The following SCRN1 variants were observed in gnomAD, a reference collection of about 807,000 sequenced individuals.
SCRN1 encodes secernin 1, also known as secernin-1.
SCRN1 carries 19 observed loss-of-function variants against 43.3 expected under a neutral mutation model. The observed-to-expected ratio is 0.44, with a 90% CI of 0.31 to 0.64. The LOEUF is 0.64. Among genes scored for constraint, SCRN1 ranks in the 30% least tolerant of loss-of-function variants. The pLI, the probability that SCRN1 is intolerant of heterozygous loss-of-function variation, is 0.09. For missense variants in SCRN1, 447 were observed against 524.1 expected (o/e 0.85, Z 1.44); for synonymous variants, 183 against 188.9 (o/e 0.97, Z 0.26).
intron 6 of SCRN1, among the ~76,000 whole-genome samples, chr7:29,933,990 A>G (rs1288324131): frequency 1.3e-5 from 2 of 152,230 alleles, no homozygotes; most frequent in African/African-American, 4.8e-5. Context: ...TAAAAACCTA[A>G]CAAAAGGTAA....
chr7:29,941,404 T>TTA (rs1554355750), intron 4 of SCRN1, among the ~76,000 whole-genome samples: 22 of 152,310 alleles, frequency 1.4e-4, no homozygotes, highest in African/African-American at 4.1e-4. Context: ...TGGTTTTTTT[T>TTA]AAAAAATACA....
chr7:29,943,013 T>A (rs1432946035), intron 4 of SCRN1, among the ~76,000 whole-genome samples: 14 of 152,194 alleles, frequency 9.2e-5, no homozygotes, highest in Admixed American at 9.2e-4. Flanking sequence ...TTGGTTCAAT[T>A]CACCCCTAAG....
At chr7:29,928,223 C>G (rs1276345404) in intron 6 of SCRN1, among the ~76,000 whole-genome samples, 1 of 152,214 alleles carries the variant, frequency 6.6e-6, no homozygotes, top group Non-Finnish European at 1.5e-5. Context: ...TGTCCTCGGA[C>G]TTGCAGCAAC....
chr7:29,929,805 A>G (rs147585086), intron 6 of SCRN1, among the ~76,000 whole-genome samples: 12 of 152,366 alleles, frequency 7.9e-5, no homozygotes, highest in African/African-American at 2.9e-4. Context: ...TGCCAGCTTC[A>G]GTAAGCTCAT....
At chr7:29,989,417 C>T (rs898078517) in intron 1 of SCRN1, among the ~76,000 whole-genome samples, 3 of 152,074 alleles carry the variant, frequency 2.0e-5, no homozygotes, top group Non-Finnish European at 4.4e-5. Flanking sequence ...CCGCAGTCCC[C>T]GAGCCGAGTC....
chr7:29,989,550 G>T, intron 1 of SCRN1, 92 bp downstream of exon 1: 1 of 985,410 alleles, frequency 1.0e-6, no homozygotes, highest in Non-Finnish European at 1.2e-6. Flanking sequence ...ACAGCGGGAG[G>T]AGATGAAACG....
chr7:29,926,295 T>C (rs1244003525), intron 7 of SCRN1, among the ~76,000 whole-genome samples, 157 bp downstream of exon 7: 3 of 152,206 alleles, frequency 2.0e-5, no homozygotes, highest in African/African-American at 7.2e-5. Context: ...ACCAGCCTTC[T>C]AGGAAAGGCC....
chr7:29,971,043 T>C (rs1788652353), intron 1 of SCRN1, among the ~76,000 whole-genome samples: 1 of 152,208 alleles, frequency 6.6e-6, no homozygotes, highest in Non-Finnish European at 1.5e-5. Flanking sequence ...CATTATCTAG[T>C]GTACCAACTA....
intron 1 of SCRN1, among the ~76,000 whole-genome samples, chr7:29,986,170 AG>A (rs751046261): frequency 6.6e-5 from 10 of 152,230 alleles, no homozygotes; most frequent in Non-Finnish European, 1.0e-4. Context: ...CTGGAGGCAG[AG>A]GTTGCAGTGA....
chr7:29,974,685 C>CTTT (rs1183202361), intron 1 of SCRN1, among the ~76,000 whole-genome samples: 35 of 134,192 alleles, frequency 2.6e-4, no homozygotes, highest in African/African-American at 8.1e-4. Flanking sequence ...TTCTTTCTTT[C>CTTT]TTTTTTTTTT....
chr7:29,946,463 C>T (rs1393506381), intron 3 of SCRN1, among the ~76,000 whole-genome samples: 2 of 152,260 alleles, frequency 1.3e-5, no homozygotes, highest in African/African-American at 4.8e-5. Context: ...AGGGCCCCAA[C>T]TTGCCCGTGC....
chr7:29,934,908 G>A (rs1448363614), intron 6 of SCRN1, among the ~76,000 whole-genome samples: 6 of 152,214 alleles, frequency 3.9e-5, no homozygotes, highest in Admixed American at 3.9e-4. Context: ...AGGATGCACG[G>A]CTCTAGCCCG....
chr7:29,929,947 T>C (rs1237325635), intron 6 of SCRN1, among the ~76,000 whole-genome samples: 1 of 152,202 alleles, frequency 6.6e-6, no homozygotes, highest in Non-Finnish European at 1.5e-5. Flanking sequence ...AATGAGGGTG[T>C]CTGGTGCTTT....
At chr7:29,953,806 C>T (rs1450408218) in intron 3 of SCRN1, among the ~76,000 whole-genome samples, 5 of 152,078 alleles carry the variant, frequency 3.3e-5, no homozygotes, top group Non-Finnish European at 7.4e-5. Context: ...TGTGCCATTT[C>T]CCCCTACAAA....
At chr7:29,967,461 T>G (rs1429616711) in intron 2 of SCRN1, among the ~76,000 whole-genome samples, 2 of 151,118 alleles carry the variant, frequency 1.3e-5, no homozygotes, top group Admixed American at 6.6e-5. Context: ...CTTCCTGGGC[T>G]CACGTGATCC....
At chr7:29,973,515 C>G (rs556344887) in intron 1 of SCRN1, among the ~76,000 whole-genome samples, 1 of 152,184 alleles carries the variant, frequency 6.6e-6, no homozygotes, top group African/African-American at 2.4e-5. Context: ...AATTAAAAAG[C>G]TGATGCAACT....
rs551536015 is a variant in SCRN1, at chr7:29,954,206, TC to T, written c.341+972del. On this transcript the variant is annotated intron_variant, in intron 3 of 7. Coordinates refer to ENST00000242059, the MANE Select transcript of SCRN1 (RefSeq NM_014766.5). Reference sequence around the variant, plus strand: ...GCCCTATCCAGCTCGCACAGCAGGTTCCTTCTGCTGTGTAGTGGCTGGGAGA... The same window carrying T: ...GCCCTATCCAGCTCGCACAGCAGGTTCTTCTGCTGTGTAGTGGCTGGGAGA... Among the ~76,000 whole-genome samples the T allele has an allele frequency of 1.3e-4, 20 of 152,242 alleles. No individual in the cohort carries two copies. In the South Asian group the frequency reaches 3.7e-3, roughly 28 times the overall value.
At chr7:29,967,240 A>C (rs1441143195) in intron 2 of SCRN1, among the ~76,000 whole-genome samples, 1 of 152,106 alleles carries the variant, frequency 6.6e-6, no homozygotes, top group Non-Finnish European at 1.5e-5. Flanking sequence ...AAACATAACC[A>C]AGAAGGTTAT....
rs1786792821 is a variant in SCRN1 at position 29,922,242 on chromosome 7, A to C, written c.*1715T>G. The C allele has an allele frequency of 6.6e-6, 1 of 152,208 alleles. No individual in the cohort carries two copies. Among genetic ancestry groups the C allele is most frequent in the African/African-American group, 2.4e-5 (1 of 41,454 alleles). The allele number at this position is 152,208 out of a possible 1,614,324, so 9.4% of individuals were successfully genotyped here. On this transcript the variant is annotated 3_prime_UTR_variant, in exon 8 of 8. Transcript: ENST00000242059. ...CCCACAATGTGTGGTTAATGATTTT[A>C]TATACAGAGTTTACAAAACTGCTGA...
Sources: allele counts gnomAD v4.1 joint callset (sites outside exome capture counted in the v4.1 genomes callset), GRCh38; gene constraint gnomAD v4.1.1; transcripts MANE v1.5; gene names NCBI Gene and HGNC (gene_info 2026-07-23, HGNC 2026-07-21).